Variants in TMPRSS11A observed in about 807,000 individuals in gnomAD.
TMPRSS11A encodes the protein transmembrane protease serine 11A.
TMPRSS11A carries 53 observed loss-of-function variants against 58.9 expected under a neutral mutation model. The observed-to-expected ratio is 0.90, with a 90% CI of 0.72 to 1.13. The LOEUF is 1.13. Among genes scored for constraint, TMPRSS11A ranks in the 50% most tolerant of loss-of-function variants. The pLI is 0.00. For synonymous variants in TMPRSS11A, 167 were observed against 169.8 expected (o/e 0.98, Z 0.13); for missense variants, 493 against 499.3 (o/e 0.99, Z 0.12).
intron 5 of TMPRSS11A, 132 bp downstream of exon 5, chr4:67,929,748 T>A: frequency 2.3e-6 from 2 of 865,036 alleles, no homozygotes; most frequent in Non-Finnish European, 3.5e-6. Flanking sequence ...AAATGTCACA[T>A]CTTTAACTTG....
At chr4:67,915,493 C>T (rs1461116199) in intron 8 of TMPRSS11A, among the ~76,000 whole-genome samples, 1 of 152,104 alleles carries the variant, frequency 6.6e-6, no homozygotes, top group East Asian at 1.9e-4. Flanking sequence ...TGAGGGATGC[C>T]ATTCTCATGA....
chr4:67,931,405 C>T (rs539260158), intron 4 of TMPRSS11A, among the ~76,000 whole-genome samples: 22 of 152,170 alleles, frequency 1.4e-4, no homozygotes, highest in East Asian at 3.9e-4. Context: ...ATATGACATG[C>T]GTGTTCTGCT....
At chr4:67,941,421 C>A (rs1030533803) in intron 3 of TMPRSS11A, among the ~76,000 whole-genome samples, 6 of 152,098 alleles carry the variant, frequency 3.9e-5, no homozygotes, top group African/African-American at 1.4e-4. Context: ...ACCATGGGAA[C>A]CCTTGTTTGG....
intron 3 of TMPRSS11A, among the ~76,000 whole-genome samples, chr4:67,932,495 C>G (rs140008305): frequency 1.3e-5 from 2 of 152,262 alleles, no homozygotes; most frequent in South Asian, 2.1e-4. Flanking sequence ...CTACTTTTCC[C>G]AAACTGGGCA....
In TMPRSS11A at chr4:67,911,083, A is replaced by C. The variant is rs899686104; in HGVS notation, c.*259T>G. On this transcript the variant is annotated 3_prime_UTR_variant, in exon 10 of 10. Transcript: ENST00000508048. ...ATGTATTGAGTCTCACTGGTACTTC[A>C]ACATTCGTGATTTAAAGAGCTAAGT... is the stretch of plus-strand genomic sequence containing the variant. The C allele has an allele frequency of 2.8e-5, 9 of 316,642 alleles. No individual in the cohort carries two copies. Among genetic ancestry groups the C allele is most frequent in the African/African-American group, 1.7e-4 (8 of 47,558 alleles). 19.6% of individuals were successfully genotyped at this position (316,642 alleles called of 1,614,324 possible).
intron 3 of TMPRSS11A, among the ~76,000 whole-genome samples, chr4:67,944,065 T>C (rs1216515926): frequency 6.6e-6 from 1 of 152,168 alleles, no homozygotes; most frequent in Non-Finnish European, 1.5e-5. Flanking sequence ...AAGTCTGGTT[T>C]TTTGTCTTTA....
intron 5 of TMPRSS11A, among the ~76,000 whole-genome samples, chr4:67,924,849 G>A (rs867728430): frequency 6.6e-6 from 1 of 152,162 alleles, no homozygotes; most frequent in African/African-American, 2.4e-5. Context: ...AATTCGAGAT[G>A]AGATTTGGGT....
At chr4:67,920,870 A>G (rs1720307406) in intron 7 of TMPRSS11A, among the ~76,000 whole-genome samples, 1 of 152,170 alleles carries the variant, frequency 6.6e-6, no homozygotes, top group Admixed American at 6.6e-5. Flanking sequence ...ACACCATGGA[A>G]TGCTATGCAG....
At position 67,949,057 on chromosome 4, in the gene TMPRSS11A, T is replaced by C. The variant is rs532213462; in HGVS notation, c.12-2486A>G. ...CTCTTCATTTTCTCATAGAATCTTA[T>C]CAATGTGTCTTCAAGTCATTTGAAA... is the stretch of plus-strand genomic sequence containing the variant. On this transcript the variant is annotated intron_variant, in intron 1 of 9. Coordinates refer to ENST00000508048, the MANE Select transcript of TMPRSS11A (RefSeq NM_001114387.2). 2.6e-5 allele frequency among the ~76,000 whole-genome samples: 4 copies of C among 152,260 alleles called. No individual in the cohort carries two copies. The East Asian group carries it at 7.7e-4, about 29-fold the overall frequency.
chr4:67,949,365 T>C (rs1331482289), intron 1 of TMPRSS11A, among the ~76,000 whole-genome samples: 1 of 152,194 alleles, frequency 6.6e-6, no homozygotes, highest in Non-Finnish European at 1.5e-5. Flanking sequence ...GGGAAAATGG[T>C]GGCCAGCAGA....
chr4:67,931,217 G>A lies in TMPRSS11A; in HGVS notation c.320+776C>T, dbSNP rs532298282. ...CCAATTTATGTTATAAAATCCTTACGGAAGTCACTAGTTACTCAGTCAAGA... is the reference window on the plus strand; with the variant it reads ...CCAATTTATGTTATAAAATCCTTACAGAAGTCACTAGTTACTCAGTCAAGA... On this transcript the variant is annotated intron_variant, in intron 4 of 9. Coordinates refer to ENST00000508048, the MANE Select transcript of TMPRSS11A (RefSeq NM_001114387.2). Among the ~76,000 whole-genome samples, 38 of 152,120 alleles carry A rather than the reference G, an allele frequency of 2.5e-4. 1 individual carries two copies. The South Asian group carries it at 6.8e-3, about 27-fold the overall frequency.
At chr4:67,953,706 G>A (rs1342495391) in intron 1 of TMPRSS11A, among the ~76,000 whole-genome samples, 1 of 152,076 alleles carries the variant, frequency 6.6e-6, no homozygotes, top group Non-Finnish European at 1.5e-5. Flanking sequence ...GCTGAGGCAG[G>A]AGAATTGCTT....
chr4:67,958,355 G>A (rs1004030870), intron 1 of TMPRSS11A, among the ~76,000 whole-genome samples: 1 of 152,190 alleles, frequency 6.6e-6, no homozygotes, highest in African/African-American at 2.4e-5. Context: ...AAAGCCACAG[G>A]GTTGGAGCTG....
At chr4:67,945,445 A>AT (rs1720977443) in intron 2 of TMPRSS11A, among the ~76,000 whole-genome samples, 1 of 152,198 alleles carries the variant, frequency 6.6e-6, no homozygotes, top group African/African-American at 2.4e-5. Context: ...TAAGTGGGAA[A>AT]TCTCTGGACC....
At chr4:67,963,042 C>A (rs1721475660) in intron 1 of TMPRSS11A, among the ~76,000 whole-genome samples, 1 of 152,164 alleles carries the variant, frequency 6.6e-6, no homozygotes, top group Admixed American at 6.5e-5. Context: ...TGAAAGAAGG[C>A]TTGTTTTAAA....
At chr4:67,924,003 C>T (rs576325246) in intron 6 of TMPRSS11A, 125 bp downstream of exon 6, 28 of 835,834 alleles carry the variant, frequency 3.3e-5, no homozygotes, top group Middle Eastern at 2.6e-4. Context: ...TTAAATCTAT[C>T]GTACAAATAG....
intron 1 of TMPRSS11A, among the ~76,000 whole-genome samples, chr4:67,957,881 C>G (rs1361149231): frequency 6.6e-6 from 1 of 152,112 alleles, no homozygotes; most frequent in Non-Finnish European, 1.5e-5. Flanking sequence ...TGTGTGCAGT[C>G]TAGGGACTTG....
intron 5 of TMPRSS11A, among the ~76,000 whole-genome samples, chr4:67,927,202 A>G (rs1440552538): frequency 6.6e-6 from 1 of 152,172 alleles, no homozygotes; most frequent in African/African-American, 2.4e-5. Context: ...CACAAACAGG[A>G]ATGAAACATA....
Position 67,919,079 on chromosome 4 carries a change from G to A in TMPRSS11A, c.846C>T (p.Val282=). ...TCTGGCGTATGTCATCCGAAAAGGT[G>A]ACTCTGGAAGAGACCTGCACAACAG... ...DIAVVQVSSR[V]TFSDDIRQIC... The change falls in exon 8 of 10, where the codon GTC becomes GTT. Residue 282 remains valine, a synonymous_variant. Transcript: ENST00000508048. The A allele has an allele frequency of 6.2e-7, 1 of 1,614,190 alleles. No individual in the cohort carries two copies. Among genetic ancestry groups the A allele is most frequent in the Non-Finnish European group, 8.5e-7 (1 of 1,180,028 alleles).
Sources: allele counts gnomAD v4.1 joint callset (sites outside exome capture counted in the v4.1 genomes callset), GRCh38; gene constraint gnomAD v4.1.1; transcripts MANE v1.5; gene names NCBI Gene and HGNC (gene_info 2026-07-23, HGNC 2026-07-21).